The following ZFHX3 variants were observed in gnomAD, a reference collection of about 807,000 sequenced individuals.
ZFHX3 encodes the protein zinc finger homeobox 3, also known as zinc finger homeobox protein 3.
ZFHX3 carries 42 observed loss-of-function variants against 279.1 expected under a neutral mutation model. That is an observed-to-expected ratio of 0.15 (90% CI 0.12 to 0.19). ZFHX3 has a LOEUF of 0.19. ZFHX3 is among the 10% of genes least tolerant of loss of function. ZFHX3 has a pLI of 1.00. For synonymous variants in ZFHX3, 2,293 were observed against 1,957.8 expected (o/e 1.17, Z -4.52); for missense variants, 4,981 against 4,754.0 (o/e 1.05, Z -1.40).
intron 4 of ZFHX3, among the ~76,000 whole-genome samples, chr16:72,879,223 A>G (rs1441192642): frequency 6.6e-6 from 1 of 152,352 alleles, no homozygotes. Flanking sequence ...AAAGTCCTTC[A>G]GGTACTTCGA....
At chr16:73,272,657 T>A (rs2014179084) in intron 4 of ZFHX3, among the ~76,000 whole-genome samples, 2 of 152,202 alleles carry the variant, frequency 1.3e-5, no homozygotes, top group African/African-American at 4.8e-5. Flanking sequence ...AAAGGAACAT[T>A]GCTGCTAGAA....
intron 2 of ZFHX3, among the ~76,000 whole-genome samples, chr16:73,660,625 A>C (rs539204139): frequency 2.2e-4 from 33 of 152,280 alleles, no homozygotes; most frequent in African/African-American, 7.7e-4. Flanking sequence ...ATGGCTCATA[A>C]GGGATACTAC....
In ZFHX3 at chr16:73,269,452, A is replaced by C. The variant is rs147423219; in HGVS notation, c.-1193-12316T>G. Among the ~76,000 whole-genome samples, 645 of 152,344 alleles carry C rather than the reference A, an allele frequency of 4.2e-3. 7 individuals are homozygous for C. The highest frequency in any genetic ancestry group is 0.015 in the African/African-American group (615 of 41,586). On this transcript the variant is annotated intron_variant, in intron 4 of 17. Coordinates refer to the ZFHX3 transcript ENST00000641206. ...TTTTTGTTAGCGACTTCTTTCACTTAGTATGATGCCTTTGAGATCCATCTA... is the reference window on the plus strand; with the variant it reads ...TTTTTGTTAGCGACTTCTTTCACTTCGTATGATGCCTTTGAGATCCATCTA...
chr16:73,054,442 ATT>A (rs34141418), intron 1 of ZFHX3, among the ~76,000 whole-genome samples: 36 of 91,922 alleles, frequency 3.9e-4, no homozygotes, highest in Non-Finnish European at 5.8e-4. Context: ...AACCAGGAGG[ATT>A]TTTTTTTTTT....
intron 3 of ZFHX3, among the ~76,000 whole-genome samples, chr16:72,918,401 T>TA (rs1335834264): frequency 6.6e-6 from 1 of 152,166 alleles, no homozygotes. Context: ...ACGCAGCTAT[T>TA]AAAAATTATG....
At chr16:73,748,121 A>C (rs1024070522) in intron 1 of ZFHX3, among the ~76,000 whole-genome samples, 2 of 152,206 alleles carry the variant, frequency 1.3e-5, no homozygotes, top group African/African-American at 4.8e-5. Context: ...AAAATGTAGA[A>C]TCTAACATTT....
chr16:73,375,817 AT>A (rs532548156), intron 3 of ZFHX3, among the ~76,000 whole-genome samples: 32 of 152,250 alleles, frequency 2.1e-4, no homozygotes, highest in African/African-American at 6.5e-4. Flanking sequence ...ACAGCTTACT[AT>A]TTTTTTATAG....
At chr16:73,109,988 C>A (rs1284917053) in intron 7 of ZFHX3, among the ~76,000 whole-genome samples, 1 of 152,094 alleles carries the variant, frequency 6.6e-6, no homozygotes, top group African/African-American at 2.4e-5. Flanking sequence ...TGCCTGTAAT[C>A]CCAGCACTTT....
At chr16:73,865,910 G>C (rs549750828) in intron 1 of ZFHX3, among the ~76,000 whole-genome samples, 29 of 151,830 alleles carry the variant, frequency 1.9e-4, no homozygotes, top group Non-Finnish European at 3.7e-4. Context: ...GTGTGAACCC[G>C]GGAGGCAGAG....
At position 73,783,170 on chromosome 16, in the gene ZFHX3, A is replaced by G. The variant is rs566664173; in HGVS notation, c.-1607-102930T>C. Among the ~76,000 whole-genome samples, 13 of 152,284 alleles carry G rather than the reference A, an allele frequency of 8.5e-5. No individual in the cohort carries two copies. In the East Asian group the frequency reaches 2.5e-3, roughly 29 times the overall value. ...CAGAGCTGAGTACCGGGCCAAGATG[A>G]GCCACCCCAGGCACAACCTGCAACC... On this transcript the variant is annotated intron_variant, in intron 1 of 17. Transcript: ENST00000641206.
intron 2 of ZFHX3, among the ~76,000 whole-genome samples, chr16:72,955,257 A>G (rs1444263726): frequency 6.6e-6 from 1 of 152,172 alleles, no homozygotes; most frequent in African/African-American, 2.4e-5. Flanking sequence ...TTTGTGACTG[A>G]GCTGGATAAA....
rs368119526 is a variant in ZFHX3 at position 73,515,940 on chromosome 16, A to T, written c.-1546-59682T>A. Among the ~76,000 whole-genome samples the T allele has an allele frequency of 2.0e-4, 30 of 152,366 alleles. No individual in the cohort carries two copies. In the East Asian group the frequency reaches 5.6e-3, roughly 28 times the overall value. On this transcript the variant is annotated intron_variant, in intron 2 of 17. Transcript: ENST00000641206. ...TTATATTCTCTGTGCAAATGCAAAC[A>T]CATTGTTTCCATTGGTCATTGCCAT...
chr16:73,197,901 T>G (rs1968183953), intron 5 of ZFHX3, among the ~76,000 whole-genome samples: 1 of 144,908 alleles, frequency 6.9e-6, no homozygotes, highest in South Asian at 2.2e-4. Flanking sequence ...AAAAAGAAGA[T>G]AAGTAGAGTA....
intron 1 of ZFHX3, among the ~76,000 whole-genome samples, chr16:73,869,329 T>C (rs983560882): frequency 2.0e-5 from 3 of 152,218 alleles, no homozygotes; most frequent in African/African-American, 7.2e-5. Context: ...AATGTTTAGC[T>C]AAATTTTAGA....
At chr16:73,065,169 G>C (rs1271179897) in intron 8 of ZFHX3, among the ~76,000 whole-genome samples, 5 of 152,206 alleles carry the variant, frequency 3.3e-5, no homozygotes, top group African/African-American at 1.2e-4. Context: ...GTGGGCAACT[G>C]AGACCTGGCT....
At chr16:73,009,473 T>A (rs887575235) in intron 1 of ZFHX3, among the ~76,000 whole-genome samples, 1 of 151,878 alleles carries the variant, frequency 6.6e-6, no homozygotes, top group African/African-American at 2.4e-5. Context: ...CTTCATCTAT[T>A]TAAAAAAAAA....
chr16:72,958,968 C>T lies in ZFHX3; in HGVS notation c.1178G>A (p.Gly393Asp), dbSNP rs773725055. Reference sequence around the variant, plus strand: ...CAACAGGGTGCTGGGGGTCAAGAGACCAGCCTGGGGCTGCTCGGGGCCAGC... The same window carrying T: ...CAACAGGGTGCTGGGGGTCAAGAGATCAGCCTGGGGCTGCTCGGGGCCAGC... ...SAAGPEQPQA[G>D]LLTPSTLLNL... The change falls in exon 2 of 10, where the codon GGT (glycine) becomes GAT (aspartate). Residue 393 changes from glycine (G) to aspartate (D), a missense_variant. Gly to Asp is a moderately conservative substitution (Grantham distance 94). Coordinates refer to ENST00000268489, the MANE Select transcript of ZFHX3 (RefSeq NM_006885.4). 6.3e-7 allele frequency: 1 copy of T among 1,599,086 alleles called. No individual in the cohort carries two copies. Among genetic ancestry groups the T allele is most frequent in the Non-Finnish European group, 8.5e-7 (1 of 1,172,982 alleles).
At chr16:73,147,691 C>CAAAA (rs56079754) in intron 5 of ZFHX3, among the ~76,000 whole-genome samples, 448 of 40,886 alleles carry the variant, frequency 0.011, 14 homozygotes, top group African/African-American at 0.034. Flanking sequence ...GACTCCGTCT[C>CAAAA]AAAAAAAAAA....
intron 8 of ZFHX3, among the ~76,000 whole-genome samples, chr16:73,079,044 T>G (rs2144763719): frequency 6.6e-6 from 1 of 152,240 alleles, no homozygotes; most frequent in South Asian, 2.1e-4. Context: ...ATGAAATATC[T>G]TTGTAGCCTT....
Sources: allele counts gnomAD v4.1 joint callset (sites outside exome capture counted in the v4.1 genomes callset), GRCh38; gene constraint gnomAD v4.1.1; transcripts MANE v1.5; gene names NCBI Gene and HGNC (gene_info 2026-07-23, HGNC 2026-07-21).